Variants in SPECC1L observed in about 807,000 individuals in gnomAD.
SPECC1L encodes the protein cytospin-A.
Under a neutral mutation model 116.8 loss-of-function variants are expected in SPECC1L, and 40 were observed. That is an observed-to-expected ratio of 0.34 (90% CI 0.27 to 0.45). The LOEUF (loss-of-function observed/expected upper bound fraction) is 0.45, where lower values mean the gene tolerates loss of function less well. Among genes scored for constraint, SPECC1L ranks in the 20% least tolerant of loss-of-function variants. The pLI, the probability that SPECC1L is intolerant of heterozygous loss-of-function variation, is 1.00. For synonymous variants in SPECC1L, 504 were observed against 500.6 expected, an observed-to-expected ratio of 1.01 and a Z score of -0.09; for missense variants, 1,110 against 1,373.6, an observed-to-expected ratio of 0.81 and a Z score of 3.03.
intron 4 of SPECC1L, among the ~76,000 whole-genome samples, chr22:24,316,902 G>A (rs71320066): frequency 3.3e-5 from 4 of 119,890 alleles, no homozygotes; most frequent in South Asian, 2.7e-4. Flanking sequence ...CTGGCCGGGC[G>A]GGGGGCTGAC....
chr22:24,414,703 C>T lies in SPECC1L; in HGVS notation c.*80C>T. 7 of 1,253,332 alleles carry T rather than the reference C, an allele frequency of 5.6e-6. No individual in the cohort carries two copies. Among genetic ancestry groups the T allele is most frequent in the Non-Finnish European group, 8.1e-6 (7 of 866,440 alleles). 77.6% of individuals were successfully genotyped at this position (1,253,332 alleles called of 1,614,324 possible). ...CGACACCGACGCCATTAGCTACGCA[C>T]CCCTGTAAAGCTTCCAGCAACTCTG... is the stretch of plus-strand genomic sequence containing the variant. On this transcript the variant is annotated 3_prime_UTR_variant, in exon 17 of 17. Coordinates refer to ENST00000314328, the MANE Select transcript of SPECC1L (RefSeq NM_015330.6).
At chr22:24,346,011 G>GT (rs375040215) in intron 10 of SPECC1L, among the ~76,000 whole-genome samples, 2,521 of 141,576 alleles carry the variant, frequency 0.018, 17 homozygotes, top group Non-Finnish European at 0.021. Context: ...TGTTTTTTTT[G>GT]TTTTTTTTTT....
intron 12 of SPECC1L, 72 bp from the exon 13 acceptor site, chr22:24,365,404 A>AG: frequency 6.9e-7 from 1 of 1,455,080 alleles, no homozygotes; most frequent in South Asian, 1.2e-5. Flanking sequence ...TGGAATCTTC[A>AG]GAAAAAAAAA....
chr22:24,364,021 G>A (rs962587538), intron 12 of SPECC1L, among the ~76,000 whole-genome samples: 5 of 152,176 alleles, frequency 3.3e-5, no homozygotes, highest in African/African-American at 1.2e-4. Flanking sequence ...GCCCAGGAAT[G>A]ATAGAGTTAA....
chr22:24,315,088 G>A (rs2040534958), intron 4 of SPECC1L, among the ~76,000 whole-genome samples: 2 of 152,140 alleles, frequency 1.3e-5, no homozygotes, highest in South Asian at 4.1e-4. Context: ...GCTTATGAAG[G>A]CAAATTGTAA....
chr22:24,405,543 TA>T (rs35083245), intron 14 of SPECC1L, among the ~76,000 whole-genome samples: 1 of 151,824 alleles, frequency 6.6e-6, no homozygotes. Flanking sequence ...AACTAAACCC[TA>T]AAAATACCTT....
chr22:24,301,998 A>T (rs1026645428), intron 2 of SPECC1L, among the ~76,000 whole-genome samples, 197 bp from the exon 3 acceptor site: 1 of 152,012 alleles, frequency 6.6e-6, no homozygotes, highest in African/African-American at 2.4e-5. Flanking sequence ...GTGAGCCGAG[A>T]TAGTGCCACT....
chr22:24,392,133 G>C (rs1308046328), intron 14 of SPECC1L, among the ~76,000 whole-genome samples: 1 of 152,180 alleles, frequency 6.6e-6, no homozygotes, highest in Non-Finnish European at 1.5e-5. Context: ...CCCAGCCCCA[G>C]GCTCTTTCCA....
At chr22:24,388,171 T>G (rs1004006609) in intron 14 of SPECC1L, among the ~76,000 whole-genome samples, 4 of 151,862 alleles carry the variant, frequency 2.6e-5, no homozygotes, top group African/African-American at 9.7e-5. Context: ...CATGTTGGTG[T>G]GCTGCACCCA....
In SPECC1L at chr22:24,302,211, A is replaced by G. The variant is rs199836856; in HGVS notation, c.-21A>G. The G allele has an allele frequency of 2.1e-5, 34 of 1,613,844 alleles. No homozygotes were observed. Among genetic ancestry groups the G allele is most frequent in the Non-Finnish European group, 2.5e-5 (29 of 1,179,932 alleles). ...TTCCCACAGATTTGCTTGTAAATGC[A>G]TCACGAAGAGGCAGCCCAGAATGAA... is the stretch of plus-strand genomic sequence containing the variant. On this transcript the variant is annotated 5_prime_UTR_variant, in exon 3 of 17. Coordinates refer to ENST00000314328, the MANE Select transcript of SPECC1L (RefSeq NM_015330.6).
chr22:24,362,053 G>A (rs2041655737), intron 11 of SPECC1L, among the ~76,000 whole-genome samples: 1 of 152,166 alleles, frequency 6.6e-6, no homozygotes, highest in South Asian at 2.1e-4. Context: ...TTGGCTGAGA[G>A]TCTTCATTAC....
Position 24,341,256 on chromosome 22 carries a change from A to G in SPECC1L, c.2652+2779A>G, listed in dbSNP as rs770351201. Among the ~76,000 whole-genome samples the G allele has an allele frequency of 4.5e-4, 69 of 152,190 alleles. 1 individual carries two copies. The highest frequency in any genetic ancestry group is 8.5e-4 in the Admixed American group (13 of 15,282). Reference sequence around the variant, plus strand: ...CCTTTGAGTCTTTTCCTGAATACCAACCTGCACCTGCATTGGGTGAAACCC... The same window carrying G: ...CCTTTGAGTCTTTTCCTGAATACCAGCCTGCACCTGCATTGGGTGAAACCC... On this transcript the variant is annotated intron_variant, in intron 10 of 16. Coordinates refer to ENST00000314328, the MANE Select transcript of SPECC1L (RefSeq NM_015330.6).
intron 11 of SPECC1L, among the ~76,000 whole-genome samples, chr22:24,354,404 A>G (rs948850014): frequency 2.6e-5 from 4 of 152,098 alleles, no homozygotes; most frequent in African/African-American, 7.2e-5. Context: ...GTATTATTCT[A>G]TTGACATCAT....
At chr22:24,325,909 G>C (rs1185582846) in intron 6 of SPECC1L, among the ~76,000 whole-genome samples, 1 of 152,072 alleles carries the variant, frequency 6.6e-6, no homozygotes, top group Non-Finnish European at 1.5e-5. Flanking sequence ...AATTTCAAGA[G>C]AAATTACACT....
chr22:24,311,502 C>G (rs2040459627), intron 3 of SPECC1L, among the ~76,000 whole-genome samples: 1 of 152,052 alleles, frequency 6.6e-6, no homozygotes, highest in Non-Finnish European at 1.5e-5. Flanking sequence ...TGAACAGAAA[C>G]AAGTCTTAAA....
intron 2 of SPECC1L, among the ~76,000 whole-genome samples, chr22:24,280,576 CATTTTTT>C (rs2048922454): frequency 1.4e-5 from 2 of 138,806 alleles, no homozygotes; most frequent in African/African-American, 5.4e-5. Context: ...GTTTCAATAA[CATTTTTT>C]TTTTTTTTTT....
At chr22:24,355,468 T>C (rs181072339) in intron 11 of SPECC1L, among the ~76,000 whole-genome samples, 12 of 151,776 alleles carry the variant, frequency 7.9e-5, no homozygotes, top group South Asian at 2.1e-4. Flanking sequence ...CCCACCCACC[T>C]ACCTACCTAC....
At position 24,302,087 on chromosome 22, in the gene SPECC1L, A is replaced by C; in HGVS notation, c.-37-108A>C. ...TTTTTTTCAACTTTTCTGTAGTGAC[A>C]TCTAGCTTTCAAACAGTTTTATCAC... is the stretch of plus-strand genomic sequence containing the variant. On this transcript the variant is annotated intron_variant, in intron 2 of 16. Coordinates refer to ENST00000314328, the MANE Select transcript of SPECC1L (RefSeq NM_015330.6). 7 of 883,884 alleles carry C rather than the reference A, an allele frequency of 7.9e-6. No homozygotes were observed. The South Asian group carries it at 1.1e-4, about 14-fold the overall frequency. The allele number at this position is 883,884 out of a possible 1,614,324, so 54.8% of individuals were successfully genotyped here. A position where few individuals can be genotyped will look rare whatever the true frequency, so the allele number is the denominator to read the frequency against.
chr22:24,398,084 A>G (rs950611392), intron 14 of SPECC1L, among the ~76,000 whole-genome samples: 1 of 152,182 alleles, frequency 6.6e-6, no homozygotes, highest in South Asian at 2.1e-4. Context: ...ATTTGGGGGT[A>G]CTGGCTAGAG....
Sources: allele counts gnomAD v4.1 joint callset (sites outside exome capture counted in the v4.1 genomes callset), GRCh38; gene constraint gnomAD v4.1.1; transcripts MANE v1.5; gene names NCBI Gene and HGNC (gene_info 2026-07-23, HGNC 2026-07-21).